CELF2: variants seen among roughly 807,000 people sequenced by gnomAD.
CELF2 encodes CUG triplet repeat RNA-binding protein 2.
In CELF2, 8 loss-of-function variants were observed where a neutral mutation model predicts 62.6. The ratio of observed to expected loss-of-function variants is 0.13; its 90% confidence interval spans 0.07 to 0.23. CELF2 has a LOEUF of 0.23. Among genes scored for constraint, CELF2 ranks in the 10% least tolerant of loss-of-function variants. CELF2 has a pLI of 1.00. For missense variants in CELF2, 333 were observed against 671.0 expected (o/e 0.50, Z 5.56); for synonymous variants, 258 against 250.0 (o/e 1.03, Z -0.30).
the CELF2 span, among the ~76,000 whole-genome samples, chr10:10,698,616 T>G: frequency 6.6e-6 from 1 of 152,228 alleles, no homozygotes; most frequent in Non-Finnish European, 1.5e-5. Flanking sequence ...ATAGCTTGCT[T>G]GTGCAACCAA....
intron 1 of CELF2, among the ~76,000 whole-genome samples, chr10:10,843,068 T>A (rs1331834354): frequency 1.3e-5 from 2 of 151,974 alleles, no homozygotes; most frequent in Non-Finnish European, 2.9e-5. Context: ...GTAATCCAAT[T>A]TGTAGTTATA....
chr10:11,262,788 T>C (rs2081051902), intron 5 of CELF2, among the ~76,000 whole-genome samples: 2 of 152,206 alleles, frequency 1.3e-5, no homozygotes, highest in African/African-American at 4.8e-5. Context: ...TAGGAACTTA[T>C]AAACAAGTTT....
intron 5 of CELF2, 87 bp downstream of exon 5, chr10:11,257,959 G>A (rs558364783): frequency 3.0e-5 from 44 of 1,488,332 alleles, no homozygotes; most frequent in African/African-American, 4.2e-5. Context: ...CACCGCACAC[G>A]GCAAGAGGTC....
rs2096013687 is a variant in CELF2, at chr10:11,331,344, GGAA to G, written c.*2292_*2294del. 6.7e-6 allele frequency: 1 copy of G among 149,698 alleles called. No individual in the cohort carries two copies. The highest frequency in any genetic ancestry group is 2.5e-5 in the African/African-American group (1 of 40,670). 9.3% of individuals were successfully genotyped at this position (149,698 alleles called of 1,614,324 possible). ...TTGCTTAAAAAAAATTTCATGTGAG[GGAA>G]AAAAAAAAAACCTATTCCAGAATAA... is the stretch of plus-strand genomic sequence containing the variant. On this transcript the variant is annotated 3_prime_UTR_variant, in exon 13 of 13. Transcript: ENST00000633077.
At chr10:10,770,658 A>AC in the CELF2 span, among the ~76,000 whole-genome samples, 1 of 142,570 alleles carries the variant, frequency 7.0e-6, no homozygotes, top group African/African-American at 2.6e-5. Flanking sequence ...ATGCCACCCC[A>AC]CCCCCCACTC....
At chr10:10,473,742 A>T in the CELF2 span, among the ~76,000 whole-genome samples, 22 of 152,204 alleles carry the variant, frequency 1.4e-4, no homozygotes, top group East Asian at 4.1e-3. Flanking sequence ...ATTGAAAGAA[A>T]AAGTGAGGCT....
intron 1 of CELF2, among the ~76,000 whole-genome samples, chr10:11,155,266 C>T (rs979519929): frequency 5.3e-5 from 8 of 152,192 alleles, no homozygotes; most frequent in East Asian, 3.8e-4. Context: ...TGAATAATTG[C>T]GCTGTGCTGC....
chr10:10,690,905 C>A, the CELF2 span, among the ~76,000 whole-genome samples: 2 of 152,118 alleles, frequency 1.3e-5, no homozygotes, highest in Admixed American at 6.5e-5. Flanking sequence ...ACCAGCTCAA[C>A]CTCCTTCAAG....
chr10:10,697,346 A>G, the CELF2 span, among the ~76,000 whole-genome samples: 157 of 152,290 alleles, frequency 1.0e-3, no homozygotes, highest in Middle Eastern at 3.4e-3. Context: ...CAAGCTGTCC[A>G]TTGTCAATAA....
chr10:10,937,307 T>A (rs1355823323), intron 2 of CELF2: 1 of 151,956 alleles, frequency 6.6e-6, no homozygotes, highest in African/African-American at 2.4e-5. Context: ...GATTTTTGTA[T>A]TTTTAGTAGA....
At chr10:10,632,506 A>T in the CELF2 span, among the ~76,000 whole-genome samples, 1 of 152,174 alleles carries the variant, frequency 6.6e-6, no homozygotes, top group Non-Finnish European at 1.5e-5. Flanking sequence ...CTACTGGGAA[A>T]GGTGAAGGCA....
At chr10:10,601,806 G>A in the CELF2 span, among the ~76,000 whole-genome samples, 788 of 151,464 alleles carry the variant, frequency 5.2e-3, 50 homozygotes, top group East Asian at 0.13. Context: ...CGTGTGCCAT[G>A]GTAATTTGCT....
chr10:10,987,421 AAT>A lies in CELF2; in HGVS notation c.89+67425_89+67426del, dbSNP rs2052900981. Among the ~76,000 whole-genome samples, 9 of 152,300 alleles carry A rather than the reference AAT, an allele frequency of 5.9e-5. No homozygotes were observed. The South Asian group carries it at 1.9e-3, about 32-fold the overall frequency. ...TATACTGCTTAGTTGAATGAAAATA[AAT>A]ATGTCACAACAGCGCTGTATTAAAT... On this transcript the variant is annotated intron_variant, in intron 2 of 13. Transcript: ENST00000636488.
the CELF2 span, among the ~76,000 whole-genome samples, chr10:10,556,229 G>A: frequency 6.6e-6 from 1 of 151,296 alleles, no homozygotes; most frequent in Admixed American, 6.6e-5. Flanking sequence ...TCCGCTTCCT[G>A]TGTCCATGTG....
the CELF2 span, among the ~76,000 whole-genome samples, chr10:10,616,938 G>A: frequency 2.0e-5 from 3 of 151,750 alleles, no homozygotes; most frequent in African/African-American, 7.3e-5. Flanking sequence ...TTTATTTTTT[G>A]TAGAGACATA....
chr10:10,561,809 A>G, the CELF2 span, among the ~76,000 whole-genome samples: 1 of 152,146 alleles, frequency 6.6e-6, no homozygotes, highest in Non-Finnish European at 1.5e-5. Flanking sequence ...GGTGTCTTCT[A>G]GGACGGACAG....
At chr10:10,497,776 C>T in the CELF2 span, among the ~76,000 whole-genome samples, 13 of 152,162 alleles carry the variant, frequency 8.5e-5, no homozygotes, top group African/African-American at 3.1e-4. Context: ...GACAAGAGGG[C>T]ACCGATACTG....
At position 11,064,051 on chromosome 10, in the gene CELF2, C is replaced by CGT. The variant is rs2067462713; in HGVS notation, c.74+45891_74+45892dup. Among the ~76,000 whole-genome samples the CGT allele has an allele frequency of 2.0e-5, 3 of 152,292 alleles. No individual in the cohort carries two copies. The South Asian group carries it at 6.2e-4, about 32-fold the overall frequency. ...CAGCAGATACTTTAAGGGTCTGCTGCGTGTCAGGCATGATTCCCAGCATCT... is the reference window on the plus strand; with the variant it reads ...CAGCAGATACTTTAAGGGTCTGCTGCGTGTGTCAGGCATGATTCCCAGCATCT... On this transcript the variant is annotated intron_variant, in intron 1 of 12. Transcript: ENST00000633077.
At chr10:10,659,458 G>A in the CELF2 span, among the ~76,000 whole-genome samples, 63 of 152,204 alleles carry the variant, frequency 4.1e-4, no homozygotes, top group East Asian at 8.7e-3. Context: ...CAAAACTCTC[G>A]AAAGCAAGAA....
Sources: allele counts gnomAD v4.1 joint callset (sites outside exome capture counted in the v4.1 genomes callset), GRCh38; gene constraint gnomAD v4.1.1; transcripts MANE v1.5; gene names NCBI Gene and HGNC (gene_info 2026-07-23, HGNC 2026-07-21).